Variants in MCPH1 observed in about 807,000 individuals in gnomAD.
The protein encoded by MCPH1 is microcephalin.
Under a neutral mutation model 84.5 loss-of-function variants are expected in MCPH1, and 104 were observed. The observed-to-expected ratio is 1.23, with a 90% confidence interval of 1.05 to 1.45. The LOEUF is 1.45. Among genes scored for constraint, MCPH1 ranks in the 40% most tolerant of loss-of-function variants. The probability of loss-of-function intolerance (pLI) is 0.00; values close to 1 mark genes in which losing one functional copy is unlikely to be tolerated. For synonymous variants in MCPH1, 514 were observed against 366.8 expected (o/e 1.40, Z -4.58); for missense variants, 1,498 against 1,005.7 (o/e 1.49, Z -6.62).
At chr8:6,422,071 C>G (rs1357881080) in intron 3 of MCPH1, among the ~76,000 whole-genome samples, 1 of 152,172 alleles carries the variant, frequency 6.6e-6, no homozygotes, top group Non-Finnish European at 1.5e-5. Flanking sequence ...TCCTTTTTTC[C>G]TGTGTGTACT....
intron 12 of MCPH1, among the ~76,000 whole-genome samples, chr8:6,510,511 C>G (rs1333422961): frequency 6.6e-6 from 1 of 152,158 alleles, no homozygotes; most frequent in Non-Finnish European, 1.5e-5. Context: ...TTAGTTTTAC[C>G]TGCTGGTCGG....
At chr8:6,551,888 G>A in intron 12 of MCPH1, among the ~76,000 whole-genome samples, 1 of 152,078 alleles carries the variant, frequency 6.6e-6, no homozygotes, top group East Asian at 1.9e-4. Flanking sequence ...GTTTGTTTAG[G>A]GAATTTTTAA....
At chr8:6,408,947 G>C (rs185639353) in intron 1 of MCPH1, among the ~76,000 whole-genome samples, 1 of 151,414 alleles carries the variant, frequency 6.6e-6, no homozygotes, top group Non-Finnish European at 1.5e-5. Context: ...GTGCAATGGC[G>C]CAATCTCGGC....
intron 12 of MCPH1, among the ~76,000 whole-genome samples, chr8:6,534,110 G>A (rs1401248167): frequency 6.6e-6 from 1 of 152,060 alleles, no homozygotes; most frequent in African/African-American, 2.4e-5. Flanking sequence ...CGTGGATATT[G>A]GATGGGTCAG....
chr8:6,504,586 T>C (rs1211902655), intron 12 of MCPH1, among the ~76,000 whole-genome samples: 1 of 152,168 alleles, frequency 6.6e-6, no homozygotes, highest in African/African-American at 2.4e-5. Flanking sequence ...GTGATGATGC[T>C]GGCAATTCAG....
At chr8:6,486,314 C>G (rs1254295845) in intron 11 of MCPH1, among the ~76,000 whole-genome samples, 1 of 152,080 alleles carries the variant, frequency 6.6e-6, no homozygotes, top group Admixed American at 6.6e-5. Flanking sequence ...CGCTCTCTCG[C>G]TCTCTCGTCC....
chr8:6,440,694 T>A (rs1374470462), intron 6 of MCPH1, among the ~76,000 whole-genome samples: 2 of 152,224 alleles, frequency 1.3e-5, no homozygotes, highest in Non-Finnish European at 2.9e-5. Context: ...AAGTTACTTT[T>A]GATTAGAAGC....
chr8:6,507,572 C>CTTTTTTTTTTTT, intron 12 of MCPH1: 1 of 104,810 alleles, frequency 9.5e-6, no homozygotes, highest in South Asian at 3.2e-4. Flanking sequence ...ACTTTCTTTT[C>CTTTTTTTTTTTT]TTTTTTTTTT....
chr8:6,635,649 C>A (rs186080421), intron 13 of MCPH1, among the ~76,000 whole-genome samples: 1 of 152,182 alleles, frequency 6.6e-6, no homozygotes, highest in Non-Finnish European at 1.5e-5. Context: ...TTTGTGTACA[C>A]TGAACCAACA....
Position 6,619,868 on chromosome 8 carries a change from G to A in MCPH1, c.2215-1586G>A, listed in dbSNP as rs576384611. Among the ~76,000 whole-genome samples, 291 of 152,350 alleles carry A rather than the reference G, an allele frequency of 1.9e-3. 1 individual carries two copies. Among genetic ancestry groups the A allele is most frequent in the Non-Finnish European group, 3.7e-3 (249 of 68,034 alleles). The stretch of plus-strand genomic sequence containing the variant: ...CAAAGTGCTGGGATTACAGGTGTGA[G>A]CCACCGTGCCCGGCCAGATACTTTC... On this transcript the variant is annotated intron_variant, in intron 12 of 13. Coordinates refer to ENST00000344683, the MANE Select transcript of MCPH1 (RefSeq NM_024596.5).
At chr8:6,462,135 CA>C (rs1806362122) in intron 9 of MCPH1, among the ~76,000 whole-genome samples, 1 of 152,102 alleles carries the variant, frequency 6.6e-6, no homozygotes, top group Non-Finnish European at 1.5e-5. Flanking sequence ...TGTGAAGGAA[CA>C]AATAGAGCAT....
At chr8:6,413,643 A>C (rs1798842052) in intron 2 of MCPH1, among the ~76,000 whole-genome samples, 1 of 151,510 alleles carries the variant, frequency 6.6e-6, no homozygotes, top group South Asian at 2.1e-4. Context: ...TCATTGTCTG[A>C]TATTTCTGTA....
At chr8:6,595,562 C>G (rs1828857132) in intron 12 of MCPH1, among the ~76,000 whole-genome samples, 1 of 152,238 alleles carries the variant, frequency 6.6e-6, no homozygotes, top group African/African-American at 2.4e-5. Context: ...AGGTGGGCTT[C>G]TGCTCCAGAA....
At chr8:6,583,622 A>G (rs938740042) in intron 12 of MCPH1, among the ~76,000 whole-genome samples, 1 of 152,206 alleles carries the variant, frequency 6.6e-6, no homozygotes, top group Admixed American at 6.5e-5. Context: ...TGAGTGCCCA[A>G]GGGAGGAGCT....
intron 12 of MCPH1, chr8:6,503,089 G>A: frequency 6.2e-7 from 1 of 1,614,086 alleles, no homozygotes. Context: ...TTCCTCAGGT[G>A]GACTGGGATG....
rs938152531 is a variant in MCPH1, at chr8:6,495,717, G to T, written c.2137-4135G>T. ...TTTACCACAGTTGGTGGAGTGAAGG[G>T]TGGATGGAGGAGATAGTGGCAAAAA... On this transcript the variant is annotated intron_variant, in intron 11 of 13. Coordinates refer to ENST00000344683, the MANE Select transcript of MCPH1 (RefSeq NM_024596.5). 2.0e-5 allele frequency among the ~76,000 whole-genome samples: 3 copies of T among 152,214 alleles called. No homozygotes were observed. In the East Asian group the frequency reaches 5.8e-4, roughly 29 times the overall value.
intron 13 of MCPH1, among the ~76,000 whole-genome samples, chr8:6,641,935 C>T (rs747523625): frequency 6.6e-6 from 1 of 152,174 alleles, no homozygotes; most frequent in Non-Finnish European, 1.5e-5. Flanking sequence ...GGGTCCCTCA[C>T]TGACCCAGGC....
At chr8:6,438,710 C>T (rs1803034556) in intron 5 of MCPH1, among the ~76,000 whole-genome samples, 1 of 152,182 alleles carries the variant, frequency 6.6e-6, no homozygotes, top group South Asian at 2.1e-4. Flanking sequence ...TGCACTAATG[C>T]ATATATTGTT....
intron 12 of MCPH1, chr8:6,527,784 T>A: frequency 1.9e-6 from 2 of 1,057,486 alleles, no homozygotes; most frequent in Non-Finnish European, 2.7e-6. Flanking sequence ...AACAAAAACA[T>A]TATTTATTAA....
Sources: gnomAD v4.1 joint callset for allele counts (sites outside exome capture counted in the v4.1 genomes callset) on GRCh38, gnomAD v4.1.1 for gene constraint, MANE v1.5 for transcripts, NCBI Gene and HGNC (gene_info 2026-07-23, HGNC 2026-07-21) for gene names.